The following EYS variants were observed in gnomAD, a reference collection of about 807,000 sequenced individuals.
EYS encodes EGF-like photoreceptor maintenance factor.
A neutral mutation model predicts 282.1 loss-of-function variants in EYS; 250 were observed. That is an observed-to-expected ratio of 0.89 (90% CI 0.80 to 0.98). EYS has a LOEUF of 0.98. Among genes scored for constraint, EYS ranks in the 50% least tolerant of loss-of-function variants. The pLI is 0.00. For synonymous variants in EYS, 1,355 were observed against 1,282.9 expected (o/e 1.06, Z -1.20); for missense variants, 4,016 against 3,709.0 (o/e 1.08, Z -2.15).
Position 65,235,440 on chromosome 6 carries a change from A to C in EYS, c.2023+60423T>G, listed in dbSNP as rs561223857. Among the ~76,000 whole-genome samples, 66 of 152,278 alleles carry C rather than the reference A, an allele frequency of 4.3e-4. 1 individual carries two copies. The highest frequency in any genetic ancestry group is 4.1e-3 in the South Asian group (20 of 4,826). Reference sequence around the variant, plus strand: ...ACACAATAAGGAAAAAAGCTATAACAAAAGTAGTTGGTATGAAGGTTTGGC... The same window carrying C: ...ACACAATAAGGAAAAAAGCTATAACCAAAGTAGTTGGTATGAAGGTTTGGC... On this transcript the variant is annotated intron_variant, in intron 12 of 42. Transcript: ENST00000503581.
At chr6:65,369,231 T>C (rs1471242897) in intron 8 of EYS, among the ~76,000 whole-genome samples, 1 of 147,018 alleles carries the variant, frequency 6.8e-6, no homozygotes, top group South Asian at 2.1e-4. Context: ...CATATATATA[T>C]ATATACACAT....
intron 31 of EYS, among the ~76,000 whole-genome samples, chr6:64,097,885 C>T (rs1230558017): frequency 6.6e-6 from 1 of 152,148 alleles, no homozygotes; most frequent in Non-Finnish European, 1.5e-5. Context: ...CAAAAAGAGA[C>T]ATTTTGGCAA....
chr6:65,187,340 A>G (rs1171919298), intron 12 of EYS, among the ~76,000 whole-genome samples: 3 of 151,732 alleles, frequency 2.0e-5, no homozygotes, highest in African/African-American at 2.4e-5. Flanking sequence ...AACAATTTCT[A>G]GATTTCTTCT....
At chr6:65,054,070 T>C (rs1773348053) in intron 13 of EYS, among the ~76,000 whole-genome samples, 1 of 152,012 alleles carries the variant, frequency 6.6e-6, no homozygotes, top group African/African-American at 2.4e-5. Flanking sequence ...AACTCATAGA[T>C]GGATTATATA....
chr6:65,280,323 G>A (rs1213356916), intron 12 of EYS, among the ~76,000 whole-genome samples: 3 of 152,088 alleles, frequency 2.0e-5, no homozygotes, highest in Non-Finnish European at 4.4e-5. Flanking sequence ...TTCTCACTAG[G>A]AAATGCGTTT....
chr6:63,778,541 T>G (rs1363464936), intron 39 of EYS, among the ~76,000 whole-genome samples: 1 of 152,166 alleles, frequency 6.6e-6, no homozygotes, highest in African/African-American at 2.4e-5. Flanking sequence ...CTTGTAGCAT[T>G]AACTATTTTT....
At chr6:64,753,293 G>C (rs1453392171) in intron 22 of EYS, among the ~76,000 whole-genome samples, 1 of 151,894 alleles carries the variant, frequency 6.6e-6, no homozygotes, top group South Asian at 2.1e-4. Flanking sequence ...GATAGAGATT[G>C]GTGTAATGGA....
At chr6:65,210,636 A>G (rs546465613) in intron 12 of EYS, among the ~76,000 whole-genome samples, 1 of 152,140 alleles carries the variant, frequency 6.6e-6, no homozygotes, top group African/African-American at 2.4e-5. Context: ...ATGGCAAAGA[A>G]AATAAATAAT....
At chr6:65,125,315 G>A (rs74701053) in intron 12 of EYS, among the ~76,000 whole-genome samples, 2 of 152,058 alleles carry the variant, frequency 1.3e-5, no homozygotes, top group Non-Finnish European at 2.9e-5. Context: ...TTCATCTATA[G>A]AGTCTCAATG....
intron 33 of EYS, among the ~76,000 whole-genome samples, chr6:64,009,852 G>A (rs1479091537): frequency 6.6e-6 from 1 of 152,040 alleles, no homozygotes; most frequent in Non-Finnish European, 1.5e-5. Context: ...TCATCTATAT[G>A]GGTTGATATT....
At chr6:63,861,613 G>C (rs1161222986) in intron 36 of EYS, among the ~76,000 whole-genome samples, 1 of 152,150 alleles carries the variant, frequency 6.6e-6, no homozygotes, top group Non-Finnish European at 1.5e-5. Context: ...GCTATAGACT[G>C]AGTGTTTATG....
chr6:64,324,436 C>T (rs926103036), intron 29 of EYS, among the ~76,000 whole-genome samples: 4 of 152,124 alleles, frequency 2.6e-5, no homozygotes, highest in Admixed American at 2.6e-4. Flanking sequence ...GCCAACATGC[C>T]TTCATGGTAA....
chr6:64,058,828 C>T (rs1267649614), intron 33 of EYS, among the ~76,000 whole-genome samples: 1 of 152,160 alleles, frequency 6.6e-6, no homozygotes, highest in African/African-American at 2.4e-5. Flanking sequence ...TTGCTGTATA[C>T]TCTGCCACTG....
rs77117490 is a variant in EYS at position 65,352,379 on chromosome 6, A to C, written c.1459+1079T>G. ...CACTGTCAGAGGAAATATTCTTTAA[A>C]AGAATGAAAATACCATATAGTCTTA... On this transcript the variant is annotated intron_variant, in intron 9 of 42. Transcript: ENST00000503581. Among the ~76,000 whole-genome samples the C allele has an allele frequency of 6.6e-4, 101 of 152,052 alleles. 2 individuals carry two copies. In the East Asian group the frequency reaches 0.019, roughly 28 times the overall value.
intron 2 of EYS, among the ~76,000 whole-genome samples, chr6:65,577,040 A>G (rs188255395): frequency 1.3e-5 from 2 of 151,992 alleles, no homozygotes; most frequent in African/African-American, 4.8e-5. Flanking sequence ...AATTTCAATG[A>G]CATTTTTCAC....
At chr6:63,833,017 G>A (rs1582256493) in intron 36 of EYS, among the ~76,000 whole-genome samples, 1 of 151,928 alleles carries the variant, frequency 6.6e-6, no homozygotes, top group Admixed American at 6.6e-5. Context: ...AATTCAGCAG[G>A]CCTTCATGCT....
intron 12 of EYS, among the ~76,000 whole-genome samples, chr6:65,164,711 A>G (rs1764930992): frequency 6.6e-6 from 1 of 151,362 alleles, no homozygotes; most frequent in Non-Finnish European, 1.5e-5. Context: ...TCATAGTTCC[A>G]GAGACCAAGG....
intron 35 of EYS, among the ~76,000 whole-genome samples, chr6:63,865,474 T>G (rs76960927): frequency 1.3e-5 from 2 of 151,928 alleles, no homozygotes; most frequent in African/African-American, 4.8e-5. Context: ...TTTTTTTTTT[T>G]GCTCTCTTAT....
chr6:65,216,635 C>G (rs906438531), intron 12 of EYS, among the ~76,000 whole-genome samples: 2 of 151,414 alleles, frequency 1.3e-5, no homozygotes, highest in Non-Finnish European at 3.0e-5. Flanking sequence ...GCAGTAATTT[C>G]TAGGAAAAAC....
Sources: allele counts gnomAD v4.1 joint callset (sites outside exome capture counted in the v4.1 genomes callset), GRCh38; gene constraint gnomAD v4.1.1; transcripts MANE v1.5; gene names NCBI Gene and HGNC (gene_info 2026-07-23, HGNC 2026-07-21).